ST6GALNAC3: variants seen among roughly 807,000 people sequenced by gnomAD.
ST6GALNAC3 encodes alpha-N-acetylgalactosaminide alpha-2,6-sialyltransferase 3.
A neutral mutation model predicts 32.7 loss-of-function variants in ST6GALNAC3; 25 were observed. The ratio of observed to expected loss-of-function variants is 0.76; its 90% CI spans 0.56 to 1.07. The LOEUF (loss-of-function observed/expected upper bound fraction) is 1.07. Among genes scored for constraint, ST6GALNAC3 ranks in the 50% least tolerant of loss-of-function variants. ST6GALNAC3 has a pLI of 0.00. For missense variants in ST6GALNAC3, 355 were observed against 382.4 expected (o/e 0.93, Z 0.60); for synonymous variants, 129 against 133.1 (o/e 0.97, Z 0.21).
intron 1 of ST6GALNAC3, among the ~76,000 whole-genome samples, chr1:76,285,419 T>C (rs1166082344): frequency 2.6e-5 from 4 of 152,128 alleles, no homozygotes; most frequent in Non-Finnish European, 5.9e-5. Flanking sequence ...TGTACATGTG[T>C]GTGTAATGTG....
At chr1:76,271,921 G>A (rs1350317652) in intron 1 of ST6GALNAC3, among the ~76,000 whole-genome samples, 1 of 152,116 alleles carries the variant, frequency 6.6e-6, no homozygotes, top group Non-Finnish European at 1.5e-5. Flanking sequence ...AGCTGAGAGA[G>A]ACTTTACAGA....
At chr1:76,202,996 A>G (rs1211215772) in intron 1 of ST6GALNAC3, among the ~76,000 whole-genome samples, 1 of 152,178 alleles carries the variant, frequency 6.6e-6, no homozygotes, top group Non-Finnish European at 1.5e-5. Context: ...GTTCTGATTA[A>G]TTTGTGGGGA....
chr1:76,613,872 T>A (rs936475081), intron 3 of ST6GALNAC3, among the ~76,000 whole-genome samples: 3 of 152,210 alleles, frequency 2.0e-5, no homozygotes, highest in African/African-American at 7.2e-5. Context: ...CTCAAGTAGT[T>A]CTTTGTAGCA....
At chr1:76,445,219 A>G (rs59589346) in intron 3 of ST6GALNAC3, among the ~76,000 whole-genome samples, 1,561 of 152,258 alleles carry the variant, frequency 0.01, 46 homozygotes, top group Admixed American at 0.045. Flanking sequence ...AGTGTATCCA[A>G]ACACTCTGTA....
intron 1 of ST6GALNAC3, among the ~76,000 whole-genome samples, chr1:76,238,503 TAGGCACTGGAC>T (rs1285929045): frequency 6.6e-6 from 1 of 152,172 alleles, no homozygotes; most frequent in Non-Finnish European, 1.5e-5. Context: ...TGCCCAGGGC[TAGGCACTGGAC>T]ATTCCGAGAC....
intron 3 of ST6GALNAC3, chr1:76,412,956 A>G: frequency 2.9e-6 from 1 of 347,288 alleles, no homozygotes; most frequent in Non-Finnish European, 5.7e-6. Context: ...TATTGAAATT[A>G]TACGTCCCTT....
intron 3 of ST6GALNAC3, among the ~76,000 whole-genome samples, chr1:76,600,592 C>T (rs1393423214): frequency 1.3e-5 from 2 of 152,182 alleles, no homozygotes; most frequent in Non-Finnish European, 1.5e-5. Flanking sequence ...CCACCTCATC[C>T]AGTGTATAAA....
intron 2 of ST6GALNAC3, among the ~76,000 whole-genome samples, chr1:76,344,555 G>T (rs1648332948): frequency 6.6e-6 from 1 of 152,016 alleles, no homozygotes; most frequent in African/African-American, 2.4e-5. Flanking sequence ...GTTCATGATG[G>T]CTGTCTCTAC....
At chr1:76,617,360 C>A (rs1557630309) in intron 3 of ST6GALNAC3, among the ~76,000 whole-genome samples, 1 of 147,720 alleles carries the variant, frequency 6.8e-6, no homozygotes, top group Non-Finnish European at 1.5e-5. Context: ...CTGTTACAAT[C>A]TTTTTTTTTT....
chr1:76,342,986 A>T (rs1467024971), intron 2 of ST6GALNAC3, among the ~76,000 whole-genome samples: 1 of 152,104 alleles, frequency 6.6e-6, no homozygotes. Flanking sequence ...CCTTTGTCAG[A>T]TGCATAGATG....
chr1:76,124,585 G>C (rs774440537), intron 1 of ST6GALNAC3, among the ~76,000 whole-genome samples: 1 of 152,114 alleles, frequency 6.6e-6, no homozygotes, highest in African/African-American at 2.4e-5. Flanking sequence ...GCTGTCATCT[G>C]CTCTACTCTT....
intron 1 of ST6GALNAC3, among the ~76,000 whole-genome samples, chr1:76,192,862 C>T (rs923244): frequency 0.74 from 112,256 of 152,004 alleles, 42,515 homozygotes; most frequent in East Asian, 0.95. Flanking sequence ...AAATTCTTTC[C>T]GATTGTAACA....
chr1:76,518,878 A>G (rs1386859814), intron 3 of ST6GALNAC3, among the ~76,000 whole-genome samples: 2 of 152,222 alleles, frequency 1.3e-5, no homozygotes, highest in African/African-American at 2.4e-5. Context: ...CAGCCTGACC[A>G]ACATGGTGAA....
At chr1:76,389,063 T>C (rs550700336) in intron 2 of ST6GALNAC3, among the ~76,000 whole-genome samples, 1 of 137,856 alleles carries the variant, frequency 7.3e-6, no homozygotes, top group Non-Finnish European at 1.5e-5. Context: ...TAGGCTGGGG[T>C]GCAATGATCT....
intron 2 of ST6GALNAC3, among the ~76,000 whole-genome samples, chr1:76,355,414 ATTGTGAC>A (rs1240140382): frequency 1.3e-5 from 2 of 151,964 alleles, no homozygotes; most frequent in Non-Finnish European, 2.9e-5. Context: ...TGAGATGTGC[ATTGTGAC>A]TTCCCTTTGT....
chr1:76,341,652 TC>T (rs1357311096), intron 2 of ST6GALNAC3, among the ~76,000 whole-genome samples: 2 of 145,492 alleles, frequency 1.4e-5, no homozygotes, highest in East Asian at 2.0e-4. Context: ...TTTCTTTCTT[TC>T]TTTCTTTCTT....
chr1:76,109,282 A>T (rs190683583), intron 1 of ST6GALNAC3, among the ~76,000 whole-genome samples: 181 of 152,236 alleles, frequency 1.2e-3, no homozygotes, highest in African/African-American at 4.3e-3. Context: ...CTTCCTCCCC[A>T]TTAAGAGTAA....
intron 2 of ST6GALNAC3, among the ~76,000 whole-genome samples, chr1:76,367,308 G>C (rs185682646): frequency 2.7e-4 from 41 of 152,258 alleles, no homozygotes; most frequent in Middle Eastern, 3.4e-3. Context: ...AATGGTGAAG[G>C]ATTCAGCTTT....
At chr1:76,252,708 A>G (rs1051362305) in intron 1 of ST6GALNAC3, among the ~76,000 whole-genome samples, 2 of 152,198 alleles carry the variant, frequency 1.3e-5, no homozygotes, top group Non-Finnish European at 2.9e-5. Context: ...GCAATGTCCA[A>G]GACTGTAAAC....
Sources: gnomAD v4.1 joint callset for allele counts (sites outside exome capture counted in the v4.1 genomes callset) on GRCh38, gnomAD v4.1.1 for gene constraint, MANE v1.5 for transcripts, NCBI Gene and HGNC (gene_info 2026-07-23, HGNC 2026-07-21) for gene names.